The following TLK1 variants were observed in gnomAD, a reference collection of about 807,000 sequenced individuals.
TLK1 encodes serine/threonine-protein kinase tousled-like 1.
In TLK1, 24 loss-of-function variants were observed where a neutral mutation model predicts 105.3. The ratio of observed to expected loss-of-function variants is 0.23; its 90% CI spans 0.17 to 0.32. The LOEUF (loss-of-function observed/expected upper bound fraction) is 0.32, where lower values mean the gene tolerates loss of function less well. Ranked by LOEUF, TLK1 falls within the 10% of genes least tolerant of loss-of-function variation. The probability of loss-of-function intolerance (pLI) is 1.00; values close to 1 mark genes in which losing one functional copy is unlikely to be tolerated. For missense variants in TLK1, 558 were observed against 910.5 expected (o/e 0.61, Z 4.98); for synonymous variants, 321 against 310.4 (o/e 1.03, Z -0.36).
chr2:171,190,905 T>C (rs1693133771), intron 1 of TLK1, among the ~76,000 whole-genome samples: 1 of 150,708 alleles, frequency 6.6e-6, no homozygotes, highest in Admixed American at 6.6e-5. Flanking sequence ...GGCTCACACC[T>C]GTAATCCCAG....
chr2:171,032,402 A>AG (rs1168070514), intron 11 of TLK1, among the ~76,000 whole-genome samples: 1 of 152,224 alleles, frequency 6.6e-6, no homozygotes, highest in Non-Finnish European at 1.5e-5. Context: ...GCAAAGCTGC[A>AG]GGGTATGAGA....
chr2:171,130,096 G>A (rs971951035), intron 1 of TLK1, among the ~76,000 whole-genome samples: 2 of 152,142 alleles, frequency 1.3e-5, no homozygotes, highest in Non-Finnish European at 2.9e-5. Context: ...GTAGTGACCC[G>A]ATTATTATAA....
At chr2:171,054,758 C>T (rs1687414479) in intron 7 of TLK1, 1 of 173,118 alleles carries the variant, frequency 5.8e-6, no homozygotes, top group African/African-American at 2.4e-5. Context: ...TAAATACAGT[C>T]AAATGAGAGG....
At chr2:171,057,701 A>G (rs1687568706) in intron 5 of TLK1, among the ~76,000 whole-genome samples, 1 of 152,126 alleles carries the variant, frequency 6.6e-6, no homozygotes, top group Admixed American at 6.5e-5. Context: ...ATTCTCAACT[A>G]GAGAGCCAGT....
intron 1 of TLK1, among the ~76,000 whole-genome samples, chr2:171,196,683 TA>T (rs1341217866): frequency 6.6e-6 from 1 of 152,150 alleles, no homozygotes; most frequent in Non-Finnish European, 1.5e-5. Context: ...CTCTAAAAAC[TA>T]AGCAGTTTGC....
chr2:171,117,928 T>C (rs1478330749), intron 1 of TLK1, 71 bp from the exon 2 acceptor site: 26 of 1,035,128 alleles, frequency 2.5e-5, no homozygotes, highest in Non-Finnish European at 3.5e-5. Flanking sequence ...CACACAAATA[T>C]ATATATGTGA....
At position 171,088,014 on chromosome 2, in the gene TLK1, C is replaced by A. The variant is rs541172410; in HGVS notation, c.259-5162G>T. ...TTCTATAAGTCCCTCAGAGAAATGA[C>A]TTAACTAGATCATCCTACTGCAAAA... On this transcript the variant is annotated intron_variant, in intron 2 of 20. Transcript: ENST00000431350. Among the ~76,000 whole-genome samples, 11 of 152,242 alleles carry A rather than the reference C, an allele frequency of 7.2e-5. 1 individual carries two copies. In the South Asian group the frequency reaches 1.2e-3, roughly 17 times the overall value.
intron 20 of TLK1, chr2:170,994,694 G>A (rs1273775268): frequency 7.7e-6 from 4 of 517,822 alleles, no homozygotes; most frequent in Non-Finnish European, 1.5e-5. Context: ...CCAGGCACTG[G>A]CTCTGTCCCC....
intron 1 of TLK1, among the ~76,000 whole-genome samples, chr2:171,175,998 G>A (rs777631653): frequency 8.6e-5 from 13 of 151,860 alleles, no homozygotes; most frequent in Admixed American, 3.9e-4. Flanking sequence ...GTGCAATGGC[G>A]CGACCTCTGC....
chr2:171,214,884 G>A (rs1693684302), intron 1 of TLK1, among the ~76,000 whole-genome samples: 1 of 152,088 alleles, frequency 6.6e-6, no homozygotes, highest in South Asian at 2.1e-4. Flanking sequence ...TCAAGACAAT[G>A]GGCCTTGATT....
At chr2:171,063,755 A>C (rs1017947938) in intron 3 of TLK1, among the ~76,000 whole-genome samples, 1 of 152,210 alleles carries the variant, frequency 6.6e-6, no homozygotes, top group Non-Finnish European at 1.5e-5. Context: ...GGGTGAGTTC[A>C]AACGGGGTAA....
intron 1 of TLK1, among the ~76,000 whole-genome samples, chr2:171,212,503 CGTCCTTTATCAAT>C (rs1336274502): frequency 6.6e-6 from 1 of 152,076 alleles, no homozygotes; most frequent in African/African-American, 2.4e-5. Context: ...TCATTTTAGA[CGTCCTTTATCAAT>C]GTCAGTGGAG....
chr2:171,197,779 A>AAAAAC (rs71013023), intron 1 of TLK1, among the ~76,000 whole-genome samples: 49,728 of 151,608 alleles, frequency 0.33, 8,465 homozygotes, highest in Middle Eastern at 0.38. Flanking sequence ...ACTCTGTCTC[A>AAAAAC]AAAACAAAAC....
chr2:171,075,529 CAG>C (rs1188860334), intron 3 of TLK1, among the ~76,000 whole-genome samples: 6 of 151,996 alleles, frequency 3.9e-5, no homozygotes, highest in African/African-American at 9.7e-5. Flanking sequence ...TTGAGAAAAA[CAG>C]AATAATTTGA....
intron 1 of TLK1, among the ~76,000 whole-genome samples, chr2:171,229,637 G>T (rs553672775): frequency 4.2e-4 from 64 of 152,240 alleles, no homozygotes; most frequent in South Asian, 2.5e-3. Flanking sequence ...GTCCTAGGAA[G>T]TCCTTTCCTC....
At chr2:171,012,617 T>C (rs189710809) in intron 13 of TLK1, among the ~76,000 whole-genome samples, 1 of 152,252 alleles carries the variant, frequency 6.6e-6, no homozygotes, top group Admixed American at 6.5e-5. Context: ...TAGCTAAGAC[T>C]ATAGGCATGT....
chr2:171,007,658 C>T (rs565430465), intron 14 of TLK1, among the ~76,000 whole-genome samples: 163 of 152,100 alleles, frequency 1.1e-3, no homozygotes, highest in African/African-American at 3.7e-3. Flanking sequence ...TCATCTATTC[C>T]CTAGTACCCT....
intron 1 of TLK1, among the ~76,000 whole-genome samples, chr2:171,224,401 A>T (rs1693862967): frequency 6.6e-6 from 1 of 152,126 alleles, no homozygotes; most frequent in Non-Finnish European, 1.5e-5. Flanking sequence ...CTTTTTGCTC[A>T]GGGTTGCTTT....
intron 4 of TLK1, among the ~76,000 whole-genome samples, chr2:171,058,791 A>G (rs1221756616): frequency 1.3e-5 from 2 of 152,188 alleles, no homozygotes; most frequent in Non-Finnish European, 2.9e-5. Context: ...GCTAAGAAAT[A>G]CAATGTTTAG....
Sources: allele counts gnomAD v4.1 joint callset (sites outside exome capture counted in the v4.1 genomes callset), GRCh38; gene constraint gnomAD v4.1.1; transcripts MANE v1.5; gene names NCBI Gene and HGNC (gene_info 2026-07-23, HGNC 2026-07-21).